The following KALRN variants were observed in gnomAD, a reference collection of about 807,000 sequenced individuals.
The protein encoded by KALRN is kalirin RhoGEF kinase, also known as kalirin.
KALRN carries 70 observed loss-of-function variants against 353.7 expected under a neutral mutation model. The ratio of observed to expected loss-of-function variants is 0.20; its 90% CI spans 0.16 to 0.24. The LOEUF (loss-of-function observed/expected upper bound fraction) is 0.24. KALRN is among the 10% of genes least tolerant of loss of function. KALRN has a pLI of 1.00. For missense variants in KALRN, 2,791 were observed against 3,756.7 expected (o/e 0.74, Z 6.72); for synonymous variants, 1,391 against 1,434.8 (o/e 0.97, Z 0.69).
At chr3:124,106,981 C>T (rs2062374961) in intron 1 of KALRN, among the ~76,000 whole-genome samples, 1 of 152,134 alleles carries the variant, frequency 6.6e-6, no homozygotes, top group Admixed American at 6.5e-5. Context: ...TCCTTGTTAT[C>T]ACTATGAAAA....
chr3:124,451,996 A>G (rs1290423829), intron 21 of KALRN, among the ~76,000 whole-genome samples: 33 of 152,224 alleles, frequency 2.2e-4, no homozygotes, highest in Non-Finnish European at 1.0e-4. Flanking sequence ...GCTTATTTCT[A>G]GTCCCCTATT....
At chr3:124,681,317 G>A (rs748909522) in intron 51 of KALRN, among the ~76,000 whole-genome samples, 5 of 152,172 alleles carry the variant, frequency 3.3e-5, no homozygotes, top group Non-Finnish European at 7.3e-5. Context: ...ACATTTTAAA[G>A]GTTCTTATTC....
chr3:124,156,842 A>T (rs2069072044), intron 1 of KALRN, among the ~76,000 whole-genome samples: 1 of 152,198 alleles, frequency 6.6e-6, no homozygotes, highest in Non-Finnish European at 1.5e-5. Context: ...TTCATCAGGA[A>T]AGAGTCCCAG....
At chr3:124,623,833 A>G (rs1245971442) in intron 34 of KALRN, among the ~76,000 whole-genome samples, 1 of 152,194 alleles carries the variant, frequency 6.6e-6, no homozygotes, top group Non-Finnish European at 1.5e-5. Flanking sequence ...GAAGAAGGAC[A>G]ATGTTTGACA....
chr3:124,627,905 C>T lies in KALRN; in HGVS notation c.5183-4515C>T, dbSNP rs116652894. Among the ~76,000 whole-genome samples the T allele has an allele frequency of 9.7e-3, 1,483 of 152,294 alleles. 25 individuals are homozygous for T. The highest frequency in any genetic ancestry group is 0.034 in the African/African-American group (1,405 of 41,570). On this transcript the variant is annotated intron_variant, in intron 34 of 59. Transcript: ENST00000682506. The stretch of plus-strand genomic sequence containing the variant: ...TCCTAATATTCCCTGAGTATAGCAA[C>T]GCTGTGAGTTATCCTTCATACCAGA...
intron 13 of KALRN, among the ~76,000 whole-genome samples, chr3:124,411,433 CTTTTTT>C (rs61485429): frequency 0.075 from 3,862 of 51,488 alleles, 249 homozygotes; most frequent in African/African-American, 0.17. Context: ...TTAAATTATG[CTTTTTT>C]TTTTTTTTTT....
chr3:124,263,201 A>C (rs753063539), intron 3 of KALRN, among the ~76,000 whole-genome samples: 4 of 152,210 alleles, frequency 2.6e-5, no homozygotes, highest in Non-Finnish European at 5.9e-5. Context: ...CTTGGTTTTC[A>C]AGATGGTCAC....
chr3:124,105,087 A>G (rs557511406), intron 1 of KALRN, among the ~76,000 whole-genome samples: 34 of 152,298 alleles, frequency 2.2e-4, no homozygotes, highest in African/African-American at 7.0e-4. Flanking sequence ...GGAGAAAAAG[A>G]AAATGGATGT....
chr3:124,173,679 G>T (rs2072228439), intron 1 of KALRN, among the ~76,000 whole-genome samples: 1 of 152,140 alleles, frequency 6.6e-6, no homozygotes, highest in Admixed American at 6.5e-5. Context: ...GCAATGGCGT[G>T]ATCTTGGCTC....
At chr3:124,671,145 A>G (rs1355466823) in intron 47 of KALRN, among the ~76,000 whole-genome samples, 5 of 152,210 alleles carry the variant, frequency 3.3e-5, no homozygotes, top group Admixed American at 2.0e-4. Context: ...CTCTGATGAT[A>G]GAATCTCAAT....
At chr3:124,465,010 G>A (rs374333506) in intron 25 of KALRN, among the ~76,000 whole-genome samples, 22 of 152,070 alleles carry the variant, frequency 1.4e-4, no homozygotes, top group South Asian at 6.2e-4. Context: ...AATATGTTCC[G>A]CACTAAAGGC....
chr3:124,671,626 A>G (rs779880496), intron 47 of KALRN, 34 bp from the exon 48 acceptor site: 1 of 1,508,896 alleles, frequency 6.6e-7, no homozygotes, highest in Non-Finnish European at 9.2e-7. Flanking sequence ...GGGATTCCCA[A>G]AGCTTAGAGT....
chr3:124,316,134 C>A (rs1473949042), intron 6 of KALRN, among the ~76,000 whole-genome samples: 1 of 152,178 alleles, frequency 6.6e-6, no homozygotes, highest in East Asian at 1.9e-4. Context: ...GGACTGTCTT[C>A]TGCAAGTCCT....
intron 1 of KALRN, among the ~76,000 whole-genome samples, chr3:124,139,592 G>A (rs1375982492): frequency 6.6e-6 from 1 of 152,126 alleles, no homozygotes. Context: ...GAGAGGCAGA[G>A]CCTTAGGGCA....
rs1375522491 is a variant in KALRN, at chr3:124,540,857, C to T, written c.4936-21986C>T. Reference sequence around the variant, plus strand: ...CATTTAGGGGTTCACGATCATGTTCCCTAGCTGCATGCCAGTCAACCCCCC... The same window carrying T: ...CATTTAGGGGTTCACGATCATGTTCTCTAGCTGCATGCCAGTCAACCCCCC... On this transcript the variant is annotated intron_variant, in intron 33 of 59. Transcript: ENST00000682506. 2.6e-5 allele frequency among the ~76,000 whole-genome samples: 4 copies of T among 152,178 alleles called. No homozygotes were observed. In the East Asian group the frequency reaches 7.7e-4, roughly 29 times the overall value.
chr3:124,392,328 T>A (rs1442632863), intron 11 of KALRN, among the ~76,000 whole-genome samples: 1 of 152,206 alleles, frequency 6.6e-6, no homozygotes, highest in Non-Finnish European at 1.5e-5. Flanking sequence ...GTATTGACTA[T>A]ATGTCAGACA....
At chr3:124,199,153 A>T (rs141588192) in intron 1 of KALRN, among the ~76,000 whole-genome samples, 130 of 152,350 alleles carry the variant, frequency 8.5e-4, no homozygotes, top group African/African-American at 3.1e-3. Context: ...AGGTTGGAGC[A>T]TTGATACTGC....
chr3:124,585,022 G>A (rs1160200235), intron 34 of KALRN: 6 of 1,279,374 alleles, frequency 4.7e-6, no homozygotes, highest in Non-Finnish European at 6.3e-6. Context: ...GGCGGATGGG[G>A]CTGGGGATCA....
At chr3:124,677,812 TTCTAC>T (rs1350197197) in intron 49 of KALRN, among the ~76,000 whole-genome samples, 1 of 152,236 alleles carries the variant, frequency 6.6e-6, no homozygotes, top group East Asian at 1.9e-4. Flanking sequence ...GACTTTCCTA[TTCTAC>T]TCTTCGCCCC....
Sources: gnomAD v4.1 joint callset for allele counts (sites outside exome capture counted in the v4.1 genomes callset) on GRCh38, gnomAD v4.1.1 for gene constraint, MANE v1.5 for transcripts, NCBI Gene and HGNC (gene_info 2026-07-23, HGNC 2026-07-21) for gene names.